PCDHGA9: variants seen among roughly 807,000 people sequenced by gnomAD.
PCDHGA9 encodes protocadherin gamma-A9.
Under a neutral mutation model 62.5 loss-of-function variants are expected in PCDHGA9, and 37 were observed. The ratio of observed to expected loss-of-function variants is 0.59; its 90% confidence interval spans 0.46 to 0.78. PCDHGA9 has a LOEUF of 0.78. Among genes scored for constraint, PCDHGA9 ranks in the 30% least tolerant of loss-of-function variants. The pLI is 0.00. For missense variants in PCDHGA9, 1,138 were observed against 1,166.2 expected, an observed-to-expected ratio of 0.98 and a Z score of 0.35; for synonymous variants, 459 against 484.6, an observed-to-expected ratio of 0.95 and a Z score of 0.69.
chr5:141,403,875 A>T lies in PCDHGA9; in HGVS notation c.923A>T (p.Asp308Val). Reference protein sequence around the residue: ...TGEISTAKSLDYEECSFYEME... With the variant: ...TGEISTAKSLVYEECSFYEME... Reference sequence around the variant, plus strand: ...GAAATATCAACAGCAAAAAGTCTAGATTATGAAGAATGTTCATTTTATGAA... The same window carrying T: ...GAAATATCAACAGCAAAAAGTCTAGTTTATGAAGAATGTTCATTTTATGAA... Residue 308 changes from aspartate (D) to valine (V), a missense_variant, in exon 1 of 4, where the codon GAT becomes GTT. By Grantham distance (152) the Asp-to-Val change is radical. Coordinates refer to ENST00000573521, the MANE Select transcript of PCDHGA9 (RefSeq NM_018921.3). 6.2e-7 allele frequency: 1 copy of T among 1,613,816 alleles called. No homozygotes were observed. Among genetic ancestry groups the T allele is most frequent in the Non-Finnish European group, 8.5e-7 (1 of 1,179,862 alleles).
chr5:141,510,633 TACCA>T (rs2099882032), intron 3 of PCDHGA9, among the ~76,000 whole-genome samples: 1 of 152,110 alleles, frequency 6.6e-6, no homozygotes, highest in Admixed American at 6.6e-5. Flanking sequence ...AAGAGGTGGT[TACCA>T]TTATCATCCC....
intron 1 of PCDHGA9, among the ~76,000 whole-genome samples, chr5:141,461,001 A>G (rs1309762345): frequency 4.0e-5 from 6 of 150,320 alleles, no homozygotes; most frequent in South Asian, 4.2e-4. Context: ...ATATATGTGT[A>G]TATATATATA....
At chr5:141,478,719 T>C in intron 1 of PCDHGA9, 1 of 1,543,882 alleles carries the variant, frequency 6.5e-7, no homozygotes, top group South Asian at 1.2e-5. Context: ...GATGGTGGCC[T>C]GCCAGAGTGT....
rs2099710738 is a variant in PCDHGA9, at chr5:141,491,331, T to C, written c.2425-3476T>C. 6.2e-7 allele frequency: 1 copy of C among 1,614,170 alleles called. No homozygotes were observed. The highest frequency in any genetic ancestry group is 8.5e-7 in the Non-Finnish European group (1 of 1,180,018). On this transcript the variant is annotated intron_variant, in intron 1 of 3. Coordinates refer to ENST00000573521, the MANE Select transcript of PCDHGA9 (RefSeq NM_018921.3). The surrounding 1 kb of genome is among the most constrained non-coding windows in gnomAD (Gnocchi z 6.9). ...ACCTTACCCTTTACCTCATTGTGGC[T>C]CTAGCGACCGTCAGTCTCTTATCCC...
chr5:141,424,966 T>G (rs913951031), intron 1 of PCDHGA9, among the ~76,000 whole-genome samples: 17 of 152,174 alleles, frequency 1.1e-4, no homozygotes, highest in African/African-American at 3.9e-4. Flanking sequence ...TTGCCCCAAA[T>G]TACTTGGATA....
Position 141,477,020 on chromosome 5 carries a change from G to C in PCDHGA9, c.2425-17787G>C, listed in dbSNP as rs1383192345. The C allele has an allele frequency of 6.2e-7, 1 of 1,614,224 alleles. No homozygotes were observed. The highest frequency in any genetic ancestry group is 8.5e-7 in the Non-Finnish European group (1 of 1,180,048). On this transcript the variant is annotated intron_variant, in intron 1 of 3. Coordinates refer to ENST00000573521, the MANE Select transcript of PCDHGA9 (RefSeq NM_018921.3). The surrounding 1 kb of genome is among the most constrained non-coding windows in gnomAD (Gnocchi z 4.9). ...ACTATTCGCCTTAGACCTTGTAACC[G>C]GGATGCTGACAATCAAGGGTCGGCT...
intron 1 of PCDHGA9, chr5:141,417,676 C>A (rs902104404): frequency 4.0e-6 from 4 of 993,448 alleles, no homozygotes; most frequent in Middle Eastern, 3.3e-4. Flanking sequence ...GCGCAGCCAA[C>A]AACAGAAAAG....
intron 2 of PCDHGA9, among the ~76,000 whole-genome samples, chr5:141,497,175 A>T (rs2154592067): frequency 6.7e-6 from 1 of 150,262 alleles, no homozygotes; most frequent in East Asian, 1.9e-4. Context: ...AAATCACAGT[A>T]AGTTCTGAGA....
At chr5:141,499,168 C>T (rs1169979036) in intron 2 of PCDHGA9, among the ~76,000 whole-genome samples, 3 of 152,184 alleles carry the variant, frequency 2.0e-5, no homozygotes, top group African/African-American at 7.2e-5. Context: ...GTCTCAAGCT[C>T]TGAGCCCAGC....
At chr5:141,425,822 A>G (rs1257213242) in intron 1 of PCDHGA9, among the ~76,000 whole-genome samples, 1 of 152,240 alleles carries the variant, frequency 6.6e-6, no homozygotes, top group Non-Finnish European at 1.5e-5. Context: ...GAAAAAAACA[A>G]ACTTTTAAAT....
At chr5:141,483,179 G>C (rs2099577971) in intron 1 of PCDHGA9, among the ~76,000 whole-genome samples, 2 of 152,294 alleles carry the variant, frequency 1.3e-5, no homozygotes, top group African/African-American at 4.8e-5. Flanking sequence ...TTTGGGCCAA[G>C]CCAAGGAGTT....
At chr5:141,430,837 C>G (rs1350348914) in intron 1 of PCDHGA9, 1 of 1,560,074 alleles carries the variant, frequency 6.4e-7, no homozygotes, top group Non-Finnish European at 8.6e-7. Context: ...TGTGGGAGAC[C>G]GGATGCACCC....
chr5:141,434,073 A>G (rs1372471160), intron 1 of PCDHGA9, among the ~76,000 whole-genome samples: 2 of 152,058 alleles, frequency 1.3e-5, no homozygotes, highest in African/African-American at 4.8e-5. Flanking sequence ...GTTAATATCA[A>G]TTATTTATTT....
chr5:141,421,163 G>C, intron 1 of PCDHGA9: 2 of 1,276,926 alleles, frequency 1.6e-6, no homozygotes, highest in Non-Finnish European at 2.1e-6. Flanking sequence ...GGACTTCATA[G>C]ATACATAAGC....
At position 141,403,270 on chromosome 5, in the gene PCDHGA9, T is replaced by C. The variant is rs1284833810; in HGVS notation, c.318T>C (p.Phe106=). 2 of 1,613,770 alleles carry C rather than the reference T, an allele frequency of 1.2e-6. No homozygotes were observed. The highest frequency in any genetic ancestry group is 1.3e-5 in the African/African-American group (1 of 74,942). ...CAQSPRCLVN[F]KVLVEDRVKL... is the part of the protein sequence containing the mutation. Reference sequence around the variant, plus strand: ...AGAGCCCGCGGTGTCTGGTGAACTTTAAAGTCCTGGTTGAAGACAGAGTGA... The same window carrying C: ...AGAGCCCGCGGTGTCTGGTGAACTTCAAAGTCCTGGTTGAAGACAGAGTGA... The change falls in exon 1 of 4, where the codon TTT becomes TTC. Residue 106 remains phenylalanine, a synonymous_variant. Transcript: ENST00000573521.
At position 141,409,103 on chromosome 5, in the gene PCDHGA9, A is replaced by G. The variant is rs750657192; in HGVS notation, c.2424+3727A>G. The G allele has an allele frequency of 6.8e-6, 11 of 1,613,926 alleles. No individual in the cohort carries two copies. Among genetic ancestry groups the G allele is most frequent in the Non-Finnish European group, 9.3e-6 (11 of 1,179,900 alleles). On this transcript the variant is annotated intron_variant, in intron 1 of 3. Coordinates refer to ENST00000573521, the MANE Select transcript of PCDHGA9 (RefSeq NM_018921.3). ...CTCATTGGATGAGAAAACAGGTATG[A>G]TTAAGAATAACCAGTCATTTGATTT...
chr5:141,500,187 TATTTA>T (rs1467273493), intron 2 of PCDHGA9, among the ~76,000 whole-genome samples: 2 of 110,668 alleles, frequency 1.8e-5, no homozygotes, highest in Non-Finnish European at 3.6e-5. Flanking sequence ...TTTTTATTTT[TATTTA>T]TTTATTTATT....
chr5:141,451,597 C>A (rs2098719892), intron 1 of PCDHGA9, among the ~76,000 whole-genome samples: 1 of 152,076 alleles, frequency 6.6e-6, no homozygotes, highest in Admixed American at 6.6e-5. Context: ...AAGTGACATA[C>A]AAGGCTAGGC....
chr5:141,490,517 C>T lies in PCDHGA9; in HGVS notation c.2425-4290C>T. 6.2e-7 allele frequency: 1 copy of T among 1,613,972 alleles called. No homozygotes were observed. The highest frequency in any genetic ancestry group is 2.2e-5 in the East Asian group (1 of 44,854). ...TCCCACTATATCATCGAGCTGCTGG[C>T]CAGCGATGCTGGTTCACCTTCCCTA... On this transcript the variant is annotated intron_variant, in intron 1 of 3. Coordinates refer to ENST00000573521, the MANE Select transcript of PCDHGA9 (RefSeq NM_018921.3). The surrounding 1 kb of genome is among the most constrained non-coding windows in gnomAD (Gnocchi z 5.4).
Sources: gnomAD v4.1 joint callset for allele counts (sites outside exome capture counted in the v4.1 genomes callset) on GRCh38, gnomAD v4.1.1 for gene constraint, Gnocchi (gnomAD v3.1) non-coding constraint, MANE v1.5 for transcripts, NCBI Gene and HGNC (gene_info 2026-07-23, HGNC 2026-07-21) for gene names.